ADGRV1: variants seen among roughly 807,000 people sequenced by gnomAD.
The protein encoded by ADGRV1 is G-protein coupled receptor 98.
A neutral mutation model predicts 596.2 loss-of-function variants in ADGRV1; 359 were observed. That is an observed-to-expected ratio of 0.60 (90% CI 0.55 to 0.66). The LOEUF is 0.66. Ranked by LOEUF, ADGRV1 falls within the 30% of genes least tolerant of loss-of-function variation. ADGRV1 has a pLI of 0.00. For synonymous variants in ADGRV1, 2,681 were observed against 2,679.2 expected, an observed-to-expected ratio of 1.00 and a Z score of -0.02; for missense variants, 7,274 against 7,575.6, an observed-to-expected ratio of 0.96 and a Z score of 1.48.
At chr5:91,034,865 A>G (rs925087452) in intron 85 of ADGRV1, among the ~76,000 whole-genome samples, 3 of 152,172 alleles carry the variant, frequency 2.0e-5, no homozygotes, top group Non-Finnish European at 2.9e-5. Context: ...AGCGCACTGC[A>G]GCCTCAAACT....
rs34426784 is a variant in ADGRV1, at chr5:90,691,384, C to CTT, written c.6951+359_6951+360dup. Among the ~76,000 whole-genome samples the CTT allele has an allele frequency of 2.6e-3, 322 of 123,424 alleles. 4 individuals carry two copies. The highest frequency in any genetic ancestry group is 5.2e-3 in the South Asian group (20 of 3,874). 81.0% of individuals were successfully genotyped at this position (123,424 alleles called of 152,430 possible). A position where few individuals can be genotyped will look rare whatever the true frequency, so the allele number is the denominator to read the frequency against. On this transcript the variant is annotated intron_variant, in intron 31 of 89. Transcript: ENST00000405460. Reference sequence around the variant, plus strand: ...ACATTTGCTCTGTATAAACTTTTTTCTTTTTTTTTTTTTTTTTGAGATGGA... The same window carrying CTT: ...ACATTTGCTCTGTATAAACTTTTTTCTTTTTTTTTTTTTTTTTTTGAGATGGA...
intron 85 of ADGRV1, among the ~76,000 whole-genome samples, chr5:91,018,918 G>A (rs7710915): frequency 0.017 from 2,563 of 151,972 alleles, 82 homozygotes; most frequent in African/African-American, 0.057. Flanking sequence ...GTGTTGAGCC[G>A]GTGTTATAGA....
At chr5:91,073,436 A>G (rs1271691378) in intron 86 of ADGRV1, among the ~76,000 whole-genome samples, 1 of 152,178 alleles carries the variant, frequency 6.6e-6, no homozygotes, top group Non-Finnish European at 1.5e-5. Flanking sequence ...GTGCTTGTCA[A>G]AGTTTAAGCA....
rs547252109 is a variant in ADGRV1 at position 90,896,267 on chromosome 5, GTTTTTTTTTT to G, written c.17856+32422_17856+32431del. 4.7e-5 allele frequency among the ~76,000 whole-genome samples: 4 copies of G among 84,878 alleles called. No individual in the cohort carries two copies. In the South Asian group the frequency reaches 1.5e-3, roughly 32 times the overall value. The allele number at this position is 84,878 out of a possible 152,430, so 55.7% of individuals were successfully genotyped here. A position where few individuals can be genotyped will look rare whatever the true frequency, so the allele number is the denominator to read the frequency against. ...AAATCTGATATTACGGTGACCAGTGGTTTTTTTTTTTTTTTTTTTTTGAGACAGAGTCTTG... is the reference window on the plus strand; with the variant it reads ...AAATCTGATATTACGGTGACCAGTGGTTTTTTTTTTTGAGACAGAGTCTTG... On this transcript the variant is annotated intron_variant, in intron 83 of 89. Transcript: ENST00000405460.
chr5:90,693,137 G>GTTTTGTTTTTCT (rs1554084652), intron 32 of ADGRV1, among the ~76,000 whole-genome samples: 2 of 131,774 alleles, frequency 1.5e-5, no homozygotes, highest in African/African-American at 5.8e-5. Context: ...TTCCAGGTCT[G>GTTTTGTTTTTCT]TTTTTTTTTT....
At chr5:91,000,136 A>G (rs1347575382) in intron 85 of ADGRV1, among the ~76,000 whole-genome samples, 1 of 152,092 alleles carries the variant, frequency 6.6e-6, no homozygotes, top group East Asian at 1.9e-4. Context: ...TTATGTCTAG[A>G]TTTATACATT....
At chr5:91,154,854 A>G (rs1050043471) in intron 89 of ADGRV1, among the ~76,000 whole-genome samples, 4 of 152,288 alleles carry the variant, frequency 2.6e-5, no homozygotes, top group South Asian at 4.1e-4. Flanking sequence ...TAAGAATAGC[A>G]TAGGGTAAAC....
chr5:91,052,633 C>T (rs1786451991), intron 85 of ADGRV1, among the ~76,000 whole-genome samples: 1 of 151,940 alleles, frequency 6.6e-6, no homozygotes, highest in Admixed American at 6.6e-5. Context: ...CAGGTCTCAC[C>T]ACCTTGGTCA....
chr5:91,095,487 A>T lies in ADGRV1; in HGVS notation c.18311-6732A>T, dbSNP rs6865161. On this transcript the variant is annotated intron_variant, in intron 86 of 89. Coordinates refer to ENST00000405460, the MANE Select transcript of ADGRV1 (RefSeq NM_032119.4). ...CATGGTGATTTGGCAGTTCTGTGAA[A>T]TATGTGCCTTATTGCCTTCCTGTAT... 5.3e-3 allele frequency among the ~76,000 whole-genome samples: 800 copies of T among 152,266 alleles called. 6 individuals are homozygous for T. The highest frequency in any genetic ancestry group is 0.018 in the African/African-American group (762 of 41,544).
At chr5:91,141,408 A>G (rs957774012) in intron 87 of ADGRV1, among the ~76,000 whole-genome samples, 3 of 152,174 alleles carry the variant, frequency 2.0e-5, no homozygotes, top group Admixed American at 6.5e-5. Flanking sequence ...GCTTACACAG[A>G]TTTCCAAGTA....
At chr5:90,994,799 A>G (rs1781278517) in intron 85 of ADGRV1, among the ~76,000 whole-genome samples, 1 of 152,236 alleles carries the variant, frequency 6.6e-6, no homozygotes, top group African/African-American at 2.4e-5. Context: ...GGCCACTGAC[A>G]TCTCTGTTTC....
intron 83 of ADGRV1, among the ~76,000 whole-genome samples, chr5:90,933,407 T>C (rs765544373): frequency 7.9e-5 from 12 of 152,168 alleles, no homozygotes; most frequent in Admixed American, 6.5e-4. Context: ...AAGAAAGCTA[T>C]GCATGTAGCT....
Position 90,615,038 on chromosome 5 carries a change from T to C in ADGRV1, c.207+19T>C. On this transcript the variant is annotated intron_variant, in intron 2 of 89. Transcript: ENST00000405460. ...TGTATCGGTAAGAAATTATTATAGC[T>C]CTATTTTTACTGAAATAGATATGAC... 7.3e-7 allele frequency: 1 copy of C among 1,372,318 alleles called. No individual in the cohort carries two copies. The highest frequency in any genetic ancestry group is 9.6e-7 in the Non-Finnish European group (1 of 1,043,128). 85.0% of individuals were successfully genotyped at this position (1,372,318 alleles called of 1,614,324 possible).
intron 85 of ADGRV1, among the ~76,000 whole-genome samples, chr5:91,027,513 G>C (rs1784114962): frequency 6.6e-6 from 1 of 152,136 alleles, no homozygotes; most frequent in African/African-American, 2.4e-5. Context: ...AAGGCTACTG[G>C]GCTAGTTAGG....
intron 70 of ADGRV1, among the ~76,000 whole-genome samples, chr5:90,800,861 T>C (rs1045245273): frequency 6.6e-6 from 1 of 151,872 alleles, no homozygotes; most frequent in Non-Finnish European, 1.5e-5. Context: ...TCATAAGTGG[T>C]AGTTGAACAA....
intron 85 of ADGRV1, among the ~76,000 whole-genome samples, chr5:91,050,294 G>C (rs1439174762): frequency 1.3e-5 from 2 of 152,140 alleles, no homozygotes; most frequent in Non-Finnish European, 2.9e-5. Flanking sequence ...CAGCGGTCTA[G>C]CTCCCTGATT....
chr5:90,898,862 C>T (rs1281194658), intron 83 of ADGRV1, among the ~76,000 whole-genome samples: 3 of 152,026 alleles, frequency 2.0e-5, no homozygotes, highest in South Asian at 2.1e-4. Flanking sequence ...CGGAGGATCT[C>T]GTGTGTTCAG....
rs182260529 is a variant in ADGRV1, at chr5:90,629,203, A to T, written c.1510-7A>T. The T allele has an allele frequency of 3.5e-4, 522 of 1,492,656 alleles. No homozygotes were observed. The highest frequency in any genetic ancestry group is 1.8e-3 in the Admixed American group (83 of 45,262). The allele number at this position is 1,492,656 out of a possible 1,614,324, so 92.5% of individuals were successfully genotyped here. The stretch of plus-strand genomic sequence containing the variant: ...CTGTACTTTAATATTTTATTCCTTT[A>T]CTTCAGCTTTTGTTCTACATTCAGG... On this transcript the variant is annotated splice_region_variant and splice_polypyrimidine_tract_variant and intron_variant, in intron 8 of 89. Transcript: ENST00000405460.
At chr5:91,046,795 A>G (rs575135844) in intron 85 of ADGRV1, among the ~76,000 whole-genome samples, 10 of 152,338 alleles carry the variant, frequency 6.6e-5, no homozygotes, top group Admixed American at 5.9e-4. Context: ...TCCAAAATCT[A>G]CAACAAACTC....
Sources: allele counts gnomAD v4.1 joint callset (sites outside exome capture counted in the v4.1 genomes callset), GRCh38; gene constraint gnomAD v4.1.1; transcripts MANE v1.5; gene names NCBI Gene and HGNC (gene_info 2026-07-23, HGNC 2026-07-21).